Variants in MAP4K4 observed in about 807,000 individuals in gnomAD.
MAP4K4 encodes the protein HPK/GCK-like kinase HGK.
MAP4K4 carries 38 observed loss-of-function variants against 189.6 expected under a neutral mutation model. That is an observed-to-expected ratio of 0.20 (90% CI 0.15 to 0.26). MAP4K4 has a LOEUF of 0.26. Ranked by LOEUF, MAP4K4 falls within the 10% of genes least tolerant of loss-of-function variation. The pLI is 1.00. For missense variants in MAP4K4, 1,054 were observed against 1,726.9 expected, an observed-to-expected ratio of 0.61 and a Z score of 6.91; for synonymous variants, 610 against 624.3, an observed-to-expected ratio of 0.98 and a Z score of 0.34.
At chr2:101,754,992 T>G (rs1483128110) in intron 2 of MAP4K4, among the ~76,000 whole-genome samples, 1 of 152,222 alleles carries the variant, frequency 6.6e-6, no homozygotes, top group Non-Finnish European at 1.5e-5. Flanking sequence ...AAATATTTGT[T>G]TTTATTTATT....
chr2:101,791,362 G>A (rs898866486), intron 3 of MAP4K4, among the ~76,000 whole-genome samples: 32 of 152,072 alleles, frequency 2.1e-4, no homozygotes, highest in African/African-American at 7.0e-4. Context: ...GAACGTGACC[G>A]AGACAGAAAG....
At chr2:101,751,421 T>C (rs2068871069) in intron 2 of MAP4K4, among the ~76,000 whole-genome samples, 5 of 152,188 alleles carry the variant, frequency 3.3e-5, no homozygotes, top group Non-Finnish European at 7.3e-5. Context: ...AGCTTGTGGT[T>C]GGGAACACAA....
Position 101,703,590 on chromosome 2 carries a change from C to A in MAP4K4, c.123+5052C>A, listed in dbSNP as rs1165272830. ...CTGAGATCATGGCACTGCACTCCAG[C>A]CTGGGCAACAGAATGAGACTCTGTC... On this transcript the variant is annotated intron_variant, in intron 2 of 32. Coordinates refer to ENST00000324219, the Ensembl canonical transcript of MAP4K4. 2.3e-5 allele frequency among the ~76,000 whole-genome samples: 3 copies of A among 132,386 alleles called. No individual in the cohort carries two copies. In the Admixed American group the frequency reaches 2.5e-4, roughly 11 times the overall value. The allele number at this position is 132,386 out of a possible 152,430, so 86.9% of individuals were successfully genotyped here. A position where few individuals can be genotyped will look rare whatever the true frequency, so the allele number is the denominator to read the frequency against.
chr2:101,864,093 T>C (rs1218347083), intron 17 of MAP4K4, 42 bp downstream of exon 17: 1 of 1,142,466 alleles, frequency 8.8e-7, no homozygotes, highest in East Asian at 5.4e-5. Context: ...TTTTTCCTTT[T>C]TGTTATTTTT....
intron 12 of MAP4K4, among the ~76,000 whole-genome samples, chr2:101,855,573 C>A (rs1318925994): frequency 6.6e-6 from 1 of 151,866 alleles, no homozygotes; most frequent in Non-Finnish European, 1.5e-5. Context: ...TTTTTAAATT[C>A]TTTGTCTGTC....
rs140010022 is a variant in MAP4K4 at position 101,807,887 on chromosome 2, C to T, written c.181-16041C>T. On this transcript the variant is annotated intron_variant, in intron 3 of 32. Transcript: ENST00000324219. Reference sequence around the variant, plus strand: ...GAGAACTTCCTCACTGTCGCAAGGGCGGTATCAAGAGAGGTGGTGCTAAAC... The same window carrying T: ...GAGAACTTCCTCACTGTCGCAAGGGTGGTATCAAGAGAGGTGGTGCTAAAC... Among the ~76,000 whole-genome samples the T allele has an allele frequency of 2.9e-3, 448 of 152,294 alleles. 2 individuals are homozygous for T. The highest frequency in any genetic ancestry group is 0.01 in the Middle Eastern group (3 of 294).
chr2:101,754,705 A>T (rs2071363687), intron 2 of MAP4K4, among the ~76,000 whole-genome samples: 1 of 152,190 alleles, frequency 6.6e-6, no homozygotes, highest in Admixed American at 6.5e-5. Context: ...GTTAATTCAA[A>T]CACAGCCTTG....
chr2:101,750,579 G>C (rs1379190418), intron 2 of MAP4K4, among the ~76,000 whole-genome samples: 1 of 151,024 alleles, frequency 6.6e-6, no homozygotes, highest in African/African-American at 2.4e-5. Context: ...GTTAGTGGGT[G>C]CAGCGCACCA....
intron 2 of MAP4K4, among the ~76,000 whole-genome samples, chr2:101,783,891 A>G (rs550847987): frequency 6.6e-6 from 1 of 152,256 alleles, no homozygotes; most frequent in Admixed American, 6.5e-5. Flanking sequence ...TCATCCTTGC[A>G]TGTCTGCAGA....
Position 101,776,321 on chromosome 2 carries a change from C to T in MAP4K4, c.124-14399C>T, listed in dbSNP as rs369268868. 3.3e-5 allele frequency among the ~76,000 whole-genome samples: 5 copies of T among 152,182 alleles called. No homozygotes were observed. In the East Asian group the frequency reaches 7.8e-4, roughly 24 times the overall value. On this transcript the variant is annotated intron_variant, in intron 2 of 32. Transcript: ENST00000324219. ...ATTGCTGTTCTGCACTCAAGAATAT[C>T]GGGCCCGGGCTTTTCAGGTTCACGT...
chr2:101,859,224 C>A (rs1051919621), intron 14 of MAP4K4, 142 bp downstream of exon 14: 22 of 632,366 alleles, frequency 3.5e-5, no homozygotes, highest in Non-Finnish European at 1.1e-5. Context: ...ATTTTGTGGT[C>A]CTATTGCTAG....
chr2:101,825,413 C>T, exon 5 of MAP4K4: 1 of 1,612,582 alleles, frequency 6.2e-7, no homozygotes, highest in Non-Finnish European at 8.5e-7. Context: ...GCTTACATCT[C>T]CAGAGAAATC....
At chr2:101,747,763 A>T (rs1406014771) in intron 2 of MAP4K4, among the ~76,000 whole-genome samples, 1 of 152,170 alleles carries the variant, frequency 6.6e-6, no homozygotes, top group East Asian at 1.9e-4. Flanking sequence ...AAACAAACAA[A>T]ACAGATCCCA....
intron 2 of MAP4K4, among the ~76,000 whole-genome samples, chr2:101,735,650 G>T (rs1286828857): frequency 2.0e-5 from 3 of 152,148 alleles, no homozygotes; most frequent in Non-Finnish European, 2.9e-5. Flanking sequence ...AGGAATTCAG[G>T]CTTCAATCTG....
intron 9 of MAP4K4, among the ~76,000 whole-genome samples, chr2:101,838,976 CT>C (rs2096843152): frequency 6.6e-6 from 1 of 152,168 alleles, no homozygotes. Context: ...CCATTTCAAC[CT>C]TTCAGTGGGA....
chr2:101,885,229 G>A, exon 29 of MAP4K4: 1 of 1,608,028 alleles, frequency 6.2e-7, no homozygotes, highest in Non-Finnish European at 8.5e-7. Context: ...GCTTTGAAGA[G>A]TTCTGTGGAA....
chr2:101,874,282 T>C (rs777196628), intron 26 of MAP4K4, 30 bp downstream of exon 26: 3 of 1,576,278 alleles, frequency 1.9e-6, no homozygotes, highest in Non-Finnish European at 2.6e-6. Flanking sequence ...TCCAACACTT[T>C]CATTTTTGTT....
intron 5 of MAP4K4, among the ~76,000 whole-genome samples, chr2:101,826,606 C>T (rs914797448): frequency 6.6e-6 from 1 of 152,106 alleles, no homozygotes; most frequent in African/African-American, 2.4e-5. Context: ...CTATTAATAA[C>T]TAAAACTGTT....
chr2:101,783,859 T>G (rs2089156590), intron 2 of MAP4K4, among the ~76,000 whole-genome samples: 2 of 152,216 alleles, frequency 1.3e-5, no homozygotes, highest in South Asian at 4.1e-4. Context: ...CTTCTAGATG[T>G]GCAGTGTATG....
Sources: gnomAD v4.1 joint callset for allele counts (sites outside exome capture counted in the v4.1 genomes callset) on GRCh38, gnomAD v4.1.1 for gene constraint, MANE v1.5 for transcripts, NCBI Gene and HGNC (gene_info 2026-07-23, HGNC 2026-07-21) for gene names.